Variants in DIS3L observed in about 807,000 individuals in gnomAD.
The protein encoded by DIS3L is DIS3 like exosome 3'-5' exoribonuclease.
In DIS3L, 100 loss-of-function variants were observed where a neutral mutation model predicts 120.3. The observed-to-expected ratio is 0.83, with a 90% CI of 0.71 to 0.98. The LOEUF is 0.98. Ranked by LOEUF, DIS3L falls within the 50% of genes least tolerant of loss-of-function variation. DIS3L has a pLI of 0.00. For synonymous variants in DIS3L, 426 were observed against 470.6 expected (o/e 0.91, Z 1.23); for missense variants, 1,196 against 1,314.2 (o/e 0.91, Z 1.39).
At chr15:66,327,642 G>A (rs2092952879) in intron 12 of DIS3L, among the ~76,000 whole-genome samples, 1 of 152,114 alleles carries the variant, frequency 6.6e-6, no homozygotes, top group Non-Finnish European at 1.5e-5. Context: ...TACTTGGGAG[G>A]TTGAGGCAGG....
At chr15:66,332,482 TG>T (rs2140422865) in intron 15 of DIS3L, among the ~76,000 whole-genome samples, 1 of 57,884 alleles carries the variant, frequency 1.7e-5, no homozygotes, top group African/African-American at 5.0e-5. Context: ...AAGTGAAGAC[TG>T]GAGTGTGTGT....
Position 66,313,914 on chromosome 15 carries a change from G to A in DIS3L, c.736-125G>A, listed in dbSNP as rs1595737832. 1.1e-5 allele frequency: 7 copies of A among 609,604 alleles called. No homozygotes were observed. The East Asian group carries it at 2.4e-4, about 20-fold the overall frequency. 37.8% of individuals were successfully genotyped at this position (609,604 alleles called of 1,614,324 possible). ...ATATATATATATATAGTTCCTAAAGGGATCACAAACCTTAAAAGAATATTA... is the reference window on the plus strand; with the variant it reads ...ATATATATATATATAGTTCCTAAAGAGATCACAAACCTTAAAAGAATATTA... On this transcript the variant is annotated intron_variant, in intron 5 of 16. Transcript: ENST00000319212.
intron 3 of DIS3L, 44 bp from the exon 4 acceptor site, chr15:66,308,665 G>A: frequency 6.3e-7 from 1 of 1,580,668 alleles, no homozygotes; most frequent in Non-Finnish European, 8.6e-7. Context: ...AAGAGCTTGT[G>A]TTTGTCTGCC....
At chr15:66,327,675 C>T (rs1476332539) in intron 12 of DIS3L, among the ~76,000 whole-genome samples, 3 of 152,114 alleles carry the variant, frequency 2.0e-5, no homozygotes, top group East Asian at 1.9e-4. Context: ...ACCCGGGAGG[C>T]GGAGGTTGCA....
At chr15:66,321,044 A>C (rs2092877913) in intron 9 of DIS3L, among the ~76,000 whole-genome samples, 1 of 152,152 alleles carries the variant, frequency 6.6e-6, no homozygotes, top group Admixed American at 6.5e-5. Context: ...ACCTAGTTAC[A>C]GACCCAACTG....
chr15:66,328,831 A>T, intron 12 of DIS3L, 139 bp from the exon 13 acceptor site: 1 of 958,106 alleles, frequency 1.0e-6, no homozygotes, highest in Non-Finnish European at 1.5e-6. Context: ...AGTTGAAAAG[A>T]GGTGCTTCTG....
At chr15:66,299,636 G>A (rs1046010556) in intron 2 of DIS3L, among the ~76,000 whole-genome samples, 2 of 152,076 alleles carry the variant, frequency 1.3e-5, no homozygotes, top group African/African-American at 4.8e-5. Flanking sequence ...CCAGATGAGG[G>A]AATGTTGGTA....
chr15:66,320,445 C>G, intron 8 of DIS3L, 126 bp from the exon 9 acceptor site: 1 of 992,940 alleles, frequency 1.0e-6, no homozygotes, highest in Non-Finnish European at 1.4e-6. Context: ...CTACCATACA[C>G]CACTATTTGC....
At chr15:66,295,663 T>C (rs896754902) in intron 2 of DIS3L, among the ~76,000 whole-genome samples, 7 of 152,246 alleles carry the variant, frequency 4.6e-5, no homozygotes, top group Non-Finnish European at 8.8e-5. Flanking sequence ...TCATTGTATT[T>C]GCTAAACAAA....
rs551433057 is a variant in DIS3L at position 66,293,696 on chromosome 15, C to T, written c.100C>T (p.His34Tyr). ...EHYLRPCVPC[H>Y]SPLCPQPAAC... The stretch of plus-strand genomic sequence containing the variant: ...CTACCTGCGGCCCTGCGTGCCCTGC[C>T]ACAGCCCGCTCTGCCCGCAGCCCGC... The change falls in exon 1 of 17, where the codon CAC becomes TAC. Residue 34 changes from histidine to tyrosine, a missense_variant. Transcript: ENST00000319212. 41 of 1,381,474 alleles carry T rather than the reference C, an allele frequency of 3.0e-5. No individual in the cohort carries two copies. In the African/African-American group the frequency reaches 5.8e-4, roughly 20 times the overall value. The allele number at this position is 1,381,474 out of a possible 1,614,324, so 85.6% of individuals were successfully genotyped here. A position where few individuals can be genotyped will look rare whatever the true frequency, so the allele number is the denominator to read the frequency against.
Position 66,308,704 on chromosome 15 carries a change from T to G in DIS3L, c.423-5T>G. The G allele has an allele frequency of 6.2e-7, 1 of 1,606,600 alleles. No homozygotes were observed. Among genetic ancestry groups the G allele is most frequent in the Non-Finnish European group, 8.5e-7 (1 of 1,174,926 alleles). ...GGAGAGCTCATGTGCCCTTTGCTTT[T>G]CCAGGAGCATATACAACGCAGCTGT... is the stretch of plus-strand genomic sequence containing the variant. On this transcript the variant is annotated splice_polypyrimidine_tract_variant and splice_region_variant and intron_variant, in intron 3 of 16. Transcript: ENST00000319212.
chr15:66,318,404 G>A lies in DIS3L; in HGVS notation c.995-45G>A, dbSNP rs371145772. 30 of 1,571,252 alleles carry A rather than the reference G, an allele frequency of 1.9e-5. No homozygotes were observed. In the Middle Eastern group the frequency reaches 8.8e-4, roughly 46 times the overall value. ...TGAGGTGGTCAGAGTCCAGATAGAT[G>A]GCACCTAACCAGTTAATGCCTTGTT... On this transcript the variant is annotated intron_variant, in intron 7 of 16. Transcript: ENST00000319212.
chr15:66,324,456 A>T (rs2092916318), intron 11 of DIS3L, among the ~76,000 whole-genome samples: 3 of 152,204 alleles, frequency 2.0e-5, no homozygotes, highest in African/African-American at 7.2e-5. Context: ...TACAGATGTA[A>T]GCCACCATGC....
chr15:66,301,680 A>C (rs188745302), intron 2 of DIS3L, among the ~76,000 whole-genome samples: 1 of 152,318 alleles, frequency 6.6e-6, no homozygotes, highest in East Asian at 1.9e-4. Context: ...ATGTTCATCT[A>C]TCTGGTCCCA....
At chr15:66,330,642 A>T in intron 14 of DIS3L, 1 of 606,050 alleles carries the variant, frequency 1.7e-6, no homozygotes, top group Non-Finnish European at 2.1e-6. Flanking sequence ...CACTGGCCAC[A>T]TTGTATAGCT....
chr15:66,297,360 A>G (rs2092598763), intron 2 of DIS3L, among the ~76,000 whole-genome samples: 1 of 152,206 alleles, frequency 6.6e-6, no homozygotes, highest in Admixed American at 6.5e-5. Context: ...TTGGGAGGCC[A>G]AGACAGGAGG....
chr15:66,293,538 G>A, upstream of DIS3L: 2 of 1,345,480 alleles, frequency 1.5e-6, no homozygotes, highest in Non-Finnish European at 9.5e-7. Flanking sequence ...GCGGGTCCGA[G>A]GCCGCGGCCT....
chr15:66,309,695 G>A (rs551038554), intron 4 of DIS3L, among the ~76,000 whole-genome samples: 4 of 152,232 alleles, frequency 2.6e-5, no homozygotes, highest in South Asian at 2.1e-4. Context: ...CCAGGCAATC[G>A]GACCCCAAAG....
chr15:66,318,107 G>A (rs950256111), intron 7 of DIS3L, among the ~76,000 whole-genome samples: 2 of 152,102 alleles, frequency 1.3e-5, no homozygotes, highest in African/African-American at 4.8e-5. Context: ...CTAAACAGCT[G>A]TGATCACAGG....
Sources: gnomAD v4.1 joint callset for allele counts (sites outside exome capture counted in the v4.1 genomes callset) on GRCh38, gnomAD v4.1.1 for gene constraint, MANE v1.5 for transcripts, NCBI Gene and HGNC (gene_info 2026-07-23, HGNC 2026-07-21) for gene names.